Variants in EML6 observed in about 807,000 individuals in gnomAD.
The protein encoded by EML6 is EMAP like 6, also known as echinoderm microtubule-associated protein-like 6.
In EML6, 154 loss-of-function variants were observed where a neutral mutation model predicts 240.1. The observed-to-expected ratio is 0.64, with a 90% CI of 0.56 to 0.73. The LOEUF (loss-of-function observed/expected upper bound fraction) is 0.73. Ranked by LOEUF, EML6 falls within the 30% of genes least tolerant of loss-of-function variation. The pLI is 0.00. For missense variants in EML6, 2,964 were observed against 2,474.6 expected (o/e 1.20, Z -4.20); for synonymous variants, 1,148 against 899.0 (o/e 1.28, Z -4.95).
At chr2:54,906,386 G>A (rs931492595) in intron 24 of EML6, among the ~76,000 whole-genome samples, 2 of 152,220 alleles carry the variant, frequency 1.3e-5, no homozygotes, top group East Asian at 1.9e-4. Flanking sequence ...GGGGGATGCT[G>A]CTGTGGAGGG....
At chr2:54,887,847 C>G (rs1165909344) in intron 17 of EML6, among the ~76,000 whole-genome samples, 1 of 152,156 alleles carries the variant, frequency 6.6e-6, no homozygotes. Flanking sequence ...ATATGCACAG[C>G]CTCCCCTACT....
At chr2:54,768,350 G>A in intron 2 of EML6, among the ~76,000 whole-genome samples, 1 of 152,102 alleles carries the variant, frequency 6.6e-6, no homozygotes, top group East Asian at 1.9e-4. Context: ...ACTACTGATA[G>A]ATATGGTATC....
At chr2:54,873,769 TACA>T (rs1243673359) in intron 16 of EML6, among the ~76,000 whole-genome samples, 8 of 145,098 alleles carry the variant, frequency 5.5e-5, no homozygotes, top group East Asian at 2.0e-4. Context: ...GCTAAATGTT[TACA>T]ACATTATTGG....
intron 13 of EML6, among the ~76,000 whole-genome samples, chr2:54,865,654 C>A (rs1670932827): frequency 6.6e-6 from 1 of 152,084 alleles, no homozygotes; most frequent in Admixed American, 6.5e-5. Context: ...AATGCTCAAC[C>A]AGTAAGTATA....
intron 26 of EML6, among the ~76,000 whole-genome samples, chr2:54,924,043 T>C (rs1674411057): frequency 6.6e-6 from 1 of 152,234 alleles, no homozygotes; most frequent in Non-Finnish European, 1.5e-5. Flanking sequence ...GAACATACTT[T>C]TCCAGTTTTT....
At chr2:54,906,499 C>T (rs1673336010) in intron 24 of EML6, among the ~76,000 whole-genome samples, 1 of 152,122 alleles carries the variant, frequency 6.6e-6, no homozygotes, top group East Asian at 1.9e-4. Context: ...AGGCCAGCCT[C>T]TTAGAGCTCA....
intron 39 of EML6, among the ~76,000 whole-genome samples, chr2:54,967,453 G>A (rs553761351): frequency 8.5e-5 from 13 of 152,276 alleles, no homozygotes; most frequent in African/African-American, 2.4e-4. Context: ...GCCAGACCCC[G>A]GCTTAGCAGG....
intron 27 of EML6, 35 bp downstream of exon 27, chr2:54,928,549 G>C (rs772148397): frequency 6.5e-7 from 1 of 1,548,710 alleles, no homozygotes; most frequent in Admixed American, 2.0e-5. Flanking sequence ...CTCCTGCGCC[G>C]AATGCACCTC....
chr2:54,933,514 A>G (rs193206064), intron 28 of EML6, among the ~76,000 whole-genome samples: 7 of 152,312 alleles, frequency 4.6e-5, no homozygotes, highest in Non-Finnish European at 7.3e-5. Flanking sequence ...TGGGCAGATT[A>G]CATGAGGCCA....
At chr2:54,734,062 G>A (rs138727241) in intron 2 of EML6, among the ~76,000 whole-genome samples, 3 of 152,346 alleles carry the variant, frequency 2.0e-5, no homozygotes, top group Admixed American at 1.3e-4. Flanking sequence ...GATATGGCCA[G>A]GCACGGTGGC....
chr2:54,850,176 A>C lies in EML6; in HGVS notation c.1402A>C (p.Thr468Pro). 6.4e-7 allele frequency: 1 copy of C among 1,551,680 alleles called. No homozygotes were observed. The highest frequency in any genetic ancestry group is 8.7e-7 in the Non-Finnish European group (1 of 1,146,918). Residue 468 changes from threonine (T) to proline (P), a missense_variant, in exon 10 of 42, where the codon ACT becomes CCT. Coordinates refer to ENST00000356458, the MANE Select transcript of EML6 (RefSeq NM_001039753.4). ...DWSLDSKYLQ[T>P]NDGAGERLFY... ...GTCCTTGGATAGTAAATACTTACAA[A>C]CTAATGACGGTGCAGGAGAACGATT...
At chr2:54,896,123 C>A (rs1394357226) in intron 21 of EML6, among the ~76,000 whole-genome samples, 1 of 152,204 alleles carries the variant, frequency 6.6e-6, no homozygotes, top group Non-Finnish European at 1.5e-5. Context: ...CTACCACATA[C>A]AGAATCCTTT....
chr2:54,745,592 C>A (rs1683876737), intron 2 of EML6, among the ~76,000 whole-genome samples: 1 of 152,112 alleles, frequency 6.6e-6, no homozygotes. Flanking sequence ...GCCTGGGTAA[C>A]ATGGCAAGAC....
intron 26 of EML6, among the ~76,000 whole-genome samples, chr2:54,923,364 A>AACACACACAC (rs1553416829): frequency 7.6e-4 from 40 of 52,962 alleles, no homozygotes; most frequent in African/African-American, 2.7e-3. Flanking sequence ...GTCCTCACCA[A>AACACACACAC]ACGCACACAC....
At chr2:54,885,971 G>T (rs780150351) in intron 17 of EML6, among the ~76,000 whole-genome samples, 3 of 151,918 alleles carry the variant, frequency 2.0e-5, no homozygotes, top group Non-Finnish European at 4.4e-5. Flanking sequence ...GCCTCTCATC[G>T]TAGGGTTCAC....
At chr2:54,788,386 G>A (rs1669204642) in intron 2 of EML6, among the ~76,000 whole-genome samples, 2 of 152,222 alleles carry the variant, frequency 1.3e-5, no homozygotes. Flanking sequence ...GGTGAGAGAA[G>A]ATCTACAAGG....
chr2:54,789,513 CAAAAAAAAAAAAAAAAAAAAAAAA>C (rs576842183), intron 2 of EML6, among the ~76,000 whole-genome samples: 2 of 77,898 alleles, frequency 2.6e-5, no homozygotes, highest in Non-Finnish European at 5.1e-5. Context: ...GACTTCGTCT[CAAAAAAAAAAAAAAAAAAAAAAAA>C]AAAAAAAAAA....
chr2:54,944,529 C>G (rs1330780259), intron 28 of EML6, among the ~76,000 whole-genome samples: 1 of 152,144 alleles, frequency 6.6e-6, no homozygotes, highest in East Asian at 1.9e-4. Flanking sequence ...GTATTCTGCC[C>G]ATCTTTACTT....
intron 16 of EML6, among the ~76,000 whole-genome samples, chr2:54,878,740 C>G (rs951279886): frequency 6.6e-6 from 1 of 152,090 alleles, no homozygotes; most frequent in Non-Finnish European, 1.5e-5. Flanking sequence ...GTAATCTATT[C>G]TTGCCACTTT....
Sources: allele counts gnomAD v4.1 joint callset (sites outside exome capture counted in the v4.1 genomes callset), GRCh38; gene constraint gnomAD v4.1.1; transcripts MANE v1.5; gene names NCBI Gene and HGNC (gene_info 2026-07-23, HGNC 2026-07-21).